The following AMOTL1 variants were observed in gnomAD, a reference collection of about 807,000 sequenced individuals.
AMOTL1 encodes the protein angiomotin-like protein 1.
AMOTL1 carries 45 observed loss-of-function variants against 102.9 expected under a neutral mutation model. The ratio of observed to expected loss-of-function variants is 0.44; its 90% CI spans 0.34 to 0.56. AMOTL1 has a LOEUF of 0.56. Ranked by LOEUF, AMOTL1 falls within the 20% of genes least tolerant of loss-of-function variation. AMOTL1 has a pLI of 0.01. For synonymous variants in AMOTL1, 481 were observed against 484.7 expected (o/e 0.99, Z 0.10); for missense variants, 1,114 against 1,225.6 (o/e 0.91, Z 1.36).
Position 94,784,854 on chromosome 11 carries a change from GTC to G in AMOTL1, c.50-10155_50-10154del, listed in dbSNP as rs538919800. Among the ~76,000 whole-genome samples the G allele has an allele frequency of 4.6e-5, 7 of 152,164 alleles. No individual in the cohort carries two copies. The South Asian group carries it at 1.5e-3, about 32-fold the overall frequency. On this transcript the variant is annotated intron_variant, in intron 1 of 12. Transcript: ENST00000433060. ...ACTTGTGGTGAAGCCAGTGTTGCAG[GTC>G]TGATGTGGGGACTTGGAAGTGAGGT...
intron 1 of AMOTL1, among the ~76,000 whole-genome samples, chr11:94,725,490 A>G (rs1256536645): frequency 1.3e-5 from 2 of 152,166 alleles, no homozygotes; most frequent in African/African-American, 4.8e-5. Flanking sequence ...TTATGATGAC[A>G]CTGTGCAAAT....
chr11:94,755,544 T>G (rs910176796), intron 3 of AMOTL1, among the ~76,000 whole-genome samples: 1 of 152,236 alleles, frequency 6.6e-6, no homozygotes, highest in African/African-American at 2.4e-5. Context: ...AGCTGAAACC[T>G]GACTTACTGT....
At chr11:94,734,482 C>T (rs542104778) in intron 2 of AMOTL1, among the ~76,000 whole-genome samples, 1 of 152,354 alleles carries the variant, frequency 6.6e-6, no homozygotes, top group Non-Finnish European at 1.5e-5. Flanking sequence ...ATGCTTCAAC[C>T]AATCAATTGC....
intron 1 of AMOTL1, among the ~76,000 whole-genome samples, chr11:94,782,714 C>A (rs1951130530): frequency 6.6e-6 from 1 of 152,116 alleles, no homozygotes; most frequent in Non-Finnish European, 1.5e-5. Flanking sequence ...TCTGAAGAGG[C>A]TATTAAAATA....
At chr11:94,781,703 T>C (rs1223592662) in intron 1 of AMOTL1, among the ~76,000 whole-genome samples, 2 of 151,922 alleles carry the variant, frequency 1.3e-5, no homozygotes, top group African/African-American at 2.4e-5. Flanking sequence ...GGTGTGGTGG[T>C]GCATGCCTGT....
intron 2 of AMOTL1, among the ~76,000 whole-genome samples, chr11:94,729,716 G>A (rs962108766): frequency 1.1e-4 from 16 of 152,152 alleles, no homozygotes; most frequent in Admixed American, 6.5e-5. Context: ...ATAGATGGAC[G>A]ATGAAAGGTT....
chr11:94,810,271 T>G (rs1951649958), intron 3 of AMOTL1, among the ~76,000 whole-genome samples: 1 of 152,100 alleles, frequency 6.6e-6, no homozygotes, highest in African/African-American at 2.4e-5. Flanking sequence ...TTTAGATAGG[T>G]AGTTCTAAAT....
intron 1 of AMOTL1, among the ~76,000 whole-genome samples, chr11:94,707,214 GTCTCTCTCTCTCTC>G (rs56290112): frequency 0.014 from 1,803 of 132,262 alleles, 38 homozygotes; most frequent in African/African-American, 0.048. Flanking sequence ...TATACATGAG[GTCTCTCTCTCTCTC>G]TCTCTCTCTC....
At chr11:94,727,282 T>C (rs1950276377) in intron 1 of AMOTL1, among the ~76,000 whole-genome samples, 1 of 152,224 alleles carries the variant, frequency 6.6e-6, no homozygotes, top group African/African-American at 2.4e-5. Flanking sequence ...GTAGTATTAT[T>C]GTTAATACTA....
At chr11:94,845,419 A>G (rs1292668570) in intron 6 of AMOTL1, among the ~76,000 whole-genome samples, 4 of 152,182 alleles carry the variant, frequency 2.6e-5, no homozygotes, top group Non-Finnish European at 5.9e-5. Flanking sequence ...TCAGTTTTCT[A>G]TTCGTCAAAT....
At chr11:94,848,953 T>G (rs976444169) in intron 6 of AMOTL1, among the ~76,000 whole-genome samples, 25 of 152,224 alleles carry the variant, frequency 1.6e-4, no homozygotes, top group Admixed American at 9.8e-4. Flanking sequence ...GGTTAACCAC[T>G]GATGTCGCTT....
At chr11:94,740,139 G>A (rs528853163) in intron 2 of AMOTL1, 3 of 152,344 alleles carry the variant, frequency 2.0e-5, no homozygotes, top group Non-Finnish European at 4.4e-5. Flanking sequence ...CTCTTGAAGA[G>A]TAGGAAATAA....
intron 4 of AMOTL1, among the ~76,000 whole-genome samples, chr11:94,824,145 A>G (rs1201821292): frequency 1.3e-5 from 2 of 152,180 alleles, no homozygotes; most frequent in Non-Finnish European, 1.5e-5. Flanking sequence ...AAGGATTTTG[A>G]TGACCTCTGG....
chr11:94,745,957 T>A (rs945101070), intron 3 of AMOTL1, among the ~76,000 whole-genome samples: 1 of 152,204 alleles, frequency 6.6e-6, no homozygotes, highest in East Asian at 1.9e-4. Flanking sequence ...TGGAGCCACA[T>A]GTGGAATGGT....
At chr11:94,814,058 G>A (rs1464855807) in intron 3 of AMOTL1, among the ~76,000 whole-genome samples, 1 of 152,166 alleles carries the variant, frequency 6.6e-6, no homozygotes, top group Non-Finnish European at 1.5e-5. Context: ...GTAGCTTCGG[G>A]TGGGGCTTCT....
chr11:94,868,748 T>G (rs1952932161), intron 11 of AMOTL1, among the ~76,000 whole-genome samples: 2 of 152,162 alleles, frequency 1.3e-5, no homozygotes. Flanking sequence ...CTGCCACGCT[T>G]CAGGCCAGCC....
At chr11:94,737,361 A>G (rs1031481340) in intron 2 of AMOTL1, among the ~76,000 whole-genome samples, 1 of 152,244 alleles carries the variant, frequency 6.6e-6, no homozygotes, top group Non-Finnish European at 1.5e-5. Flanking sequence ...TAGTAACTCA[A>G]AATTGTTAAG....
intron 4 of AMOTL1, among the ~76,000 whole-genome samples, chr11:94,823,225 G>A (rs750115990): frequency 1.6e-4 from 24 of 152,144 alleles, no homozygotes; most frequent in Non-Finnish European, 3.2e-4. Flanking sequence ...GTCCCAGCAC[G>A]TTTGTGCAGA....
chr11:94,797,783 G>T (rs1951395501), intron 2 of AMOTL1, among the ~76,000 whole-genome samples: 1 of 152,218 alleles, frequency 6.6e-6, no homozygotes, highest in East Asian at 1.9e-4. Flanking sequence ...TATTGCTGGA[G>T]CTTAAACGCC....
Sources: allele counts gnomAD v4.1 joint callset (sites outside exome capture counted in the v4.1 genomes callset), GRCh38; gene constraint gnomAD v4.1.1; transcripts MANE v1.5; gene names NCBI Gene and HGNC (gene_info 2026-07-23, HGNC 2026-07-21).